ICA1: variants seen among roughly 807,000 people sequenced by gnomAD.
The protein encoded by ICA1 is 69 kDa islet cell autoantigen.
A neutral mutation model predicts 71.0 loss-of-function variants in ICA1; 40 were observed. The observed-to-expected ratio is 0.56, with a 90% CI of 0.44 to 0.73. The LOEUF (loss-of-function observed/expected upper bound fraction) is 0.73, where lower values mean the gene tolerates loss of function less well. Among genes scored for constraint, ICA1 ranks in the 30% least tolerant of loss-of-function variants. The probability of loss-of-function intolerance (pLI) is 0.00; values close to 1 mark genes in which losing one functional copy is unlikely to be tolerated. For synonymous variants in ICA1, 207 were observed against 209.5 expected (o/e 0.99, Z 0.10); for missense variants, 578 against 576.5 (o/e 1.00, Z -0.03).
chr7:8,141,711 G>T, intron 10 of ICA1, 54 bp downstream of exon 10: 2 of 1,116,250 alleles, frequency 1.8e-6, no homozygotes, highest in Non-Finnish European at 2.6e-6. Context: ...TGACTTGGCT[G>T]TTAAGCATTA....
intron 6 of ICA1, among the ~76,000 whole-genome samples, chr7:8,174,256 T>C (rs892611670): frequency 3.9e-5 from 6 of 152,180 alleles, no homozygotes; most frequent in Admixed American, 6.5e-5. Context: ...CATCAACAAA[T>C]AGAGAACATG....
Position 8,222,076 on chromosome 7 carries a change from A to T in ICA1, c.257-678T>A, listed in dbSNP as rs981368896. 3.3e-5 allele frequency among the ~76,000 whole-genome samples: 5 copies of T among 152,188 alleles called. No individual in the cohort carries two copies. Among genetic ancestry groups the T allele is most frequent in the African/African-American group, 1.2e-4 (5 of 41,434 alleles). On this transcript the variant is annotated intron_variant, in intron 4 of 13. Coordinates refer to ENST00000402384, the MANE Select transcript of ICA1 (RefSeq NM_001136020.3). This position sits in a 1 kb window ranked among gnomAD's most constrained non-coding sequence, Gnocchi z 4.8. ...GCTTTCTGCAGACTGATTTGACGGT[A>T]AACATTTAAAAAATCATAGAATTAC...
At chr7:8,146,918 G>T (rs541542944) in intron 8 of ICA1, among the ~76,000 whole-genome samples, 2 of 148,622 alleles carry the variant, frequency 1.3e-5, no homozygotes, top group African/African-American at 4.9e-5. Flanking sequence ...TCGCCTTTCG[G>T]TAGTTTTATT....
At chr7:8,176,533 C>A (rs1484047453) in intron 6 of ICA1, among the ~76,000 whole-genome samples, 4 of 152,140 alleles carry the variant, frequency 2.6e-5, no homozygotes, top group African/African-American at 9.7e-5. Context: ...AGGGGGAAAC[C>A]ACAGCACTCA....
rs1002760768 is a variant in ICA1 at position 8,130,229 on chromosome 7, G to C, written c.1061-2087C>G. ...GTCTATACCCAGTAATGGGATGGCT[G>C]GGTCGAATGGTATTTCGACAGTGTG... On this transcript the variant is annotated intron_variant, in intron 12 of 13. Coordinates refer to ENST00000402384, the MANE Select transcript of ICA1 (RefSeq NM_001136020.3). This position sits in a 1 kb window ranked among gnomAD's most constrained non-coding sequence, Gnocchi z 4.2. Among the ~76,000 whole-genome samples the C allele has an allele frequency of 6.6e-6, 1 of 152,174 alleles. No homozygotes were observed. Among genetic ancestry groups the C allele is most frequent in the African/African-American group, 2.4e-5 (1 of 41,422 alleles).
chr7:8,116,082 T>G (rs1289193954), intron 13 of ICA1, among the ~76,000 whole-genome samples: 4 of 152,258 alleles, frequency 2.6e-5, no homozygotes, highest in Non-Finnish European at 5.9e-5. Flanking sequence ...AGTCAGAATG[T>G]AATTTCTGGG....
chr7:8,156,987 G>C (rs758763660), intron 8 of ICA1, 129 bp downstream of exon 8: 1 of 1,581,568 alleles, frequency 6.3e-7, no homozygotes. Flanking sequence ...GACTCTGCTG[G>C]GGGCACAGTT....
chr7:8,114,553 G>C (rs74701600), intron 13 of ICA1, among the ~76,000 whole-genome samples: 4,854 of 152,234 alleles, frequency 0.032, 116 homozygotes, highest in East Asian at 0.09. Flanking sequence ...TCTTCTCTCA[G>C]GGTCACTGCC....
intron 1 of ICA1, 157 bp downstream of exon 1, chr7:8,261,937 G>C (rs946969843): frequency 1.3e-5 from 2 of 152,548 alleles, no homozygotes; most frequent in African/African-American, 4.8e-5. Context: ...CGGGATCCGG[G>C]ACCCGAGGAG....
At chr7:8,137,819 C>G (rs74326932) in intron 12 of ICA1, among the ~76,000 whole-genome samples, 4 of 152,204 alleles carry the variant, frequency 2.6e-5, no homozygotes, top group Non-Finnish European at 4.4e-5. Context: ...CTACTTTTGA[C>G]AAAACTTTAA....
chr7:8,220,629 A>G (rs1460128154), intron 5 of ICA1, among the ~76,000 whole-genome samples: 1 of 151,462 alleles, frequency 6.6e-6, no homozygotes, highest in Non-Finnish European at 1.5e-5. Flanking sequence ...AACATCCACC[A>G]TAAAAATGAG....
chr7:8,179,159 T>A (rs1781453058), intron 6 of ICA1, among the ~76,000 whole-genome samples: 1 of 152,082 alleles, frequency 6.6e-6, no homozygotes, highest in Non-Finnish European at 1.5e-5. Context: ...GTCACCCGAG[T>A]CTCTAAATGA....
intron 2 of ICA1, among the ~76,000 whole-genome samples, chr7:8,233,421 T>C (rs1311707969): frequency 2.0e-5 from 3 of 151,036 alleles, no homozygotes; most frequent in African/African-American, 7.3e-5. Context: ...GAGATGGACT[T>C]TCACTCCTGT....
chr7:8,122,700 A>T (rs1787480657), intron 13 of ICA1, among the ~76,000 whole-genome samples: 2 of 152,286 alleles, frequency 1.3e-5, no homozygotes, highest in East Asian at 3.8e-4. Context: ...GGTGAAACGG[A>T]GATAACCCGA....
At chr7:8,155,533 T>C (rs1325286823) in intron 8 of ICA1, among the ~76,000 whole-genome samples, 1 of 152,144 alleles carries the variant, frequency 6.6e-6, no homozygotes, top group Non-Finnish European at 1.5e-5. Flanking sequence ...AACTAACTCA[T>C]GCCTGAAGTT....
intron 6 of ICA1, among the ~76,000 whole-genome samples, chr7:8,159,760 AAAATT>A (rs1275617394): frequency 1.3e-5 from 2 of 152,204 alleles, no homozygotes; most frequent in Non-Finnish European, 2.9e-5. Context: ...ATATGAAGTT[AAAATT>A]ACACCCTCCT....
intron 1 of ICA1, among the ~76,000 whole-genome samples, chr7:8,256,833 G>A (rs1387011041): frequency 1.3e-5 from 2 of 152,184 alleles, no homozygotes; most frequent in African/African-American, 4.8e-5. Flanking sequence ...GCTGGGCAAG[G>A]GGCAATAATT....
intron 8 of ICA1, among the ~76,000 whole-genome samples, chr7:8,149,964 A>G (rs4141593): frequency 0.92 from 139,928 of 152,254 alleles, 64,956 homozygotes; most frequent in East Asian, 1. Context: ...CTCTCACCGT[A>G]CACTTACAAA....
At chr7:8,164,954 G>A (rs780969481) in intron 6 of ICA1, among the ~76,000 whole-genome samples, 1 of 152,166 alleles carries the variant, frequency 6.6e-6, no homozygotes, top group Non-Finnish European at 1.5e-5. Context: ...GCACCTGCCT[G>A]TAGTCCTAGC....
Sources: allele counts gnomAD v4.1 joint callset (sites outside exome capture counted in the v4.1 genomes callset), GRCh38; gene constraint gnomAD v4.1.1; non-coding constraint Gnocchi (gnomAD v3.1); transcripts MANE v1.5; gene names NCBI Gene and HGNC (gene_info 2026-07-23, HGNC 2026-07-21).